Variants in ULK1 observed in about 807,000 individuals in gnomAD.
ULK1 encodes unc-51 like autophagy activating kinase 1.
Under a neutral mutation model 117.5 loss-of-function variants are expected in ULK1, and 48 were observed. The ratio of observed to expected loss-of-function variants is 0.41; its 90% CI spans 0.32 to 0.52. ULK1 has a LOEUF of 0.52. ULK1 is among the 20% of genes least tolerant of loss of function. ULK1 has a pLI of 0.29. For missense variants in ULK1, 1,387 were observed against 1,473.4 expected (o/e 0.94, Z 0.96); for synonymous variants, 790 against 637.8 (o/e 1.24, Z -3.60).
intron 7 of ULK1, 26 bp downstream of exon 7, chr12:131,908,997 C>T (rs1209189721): frequency 6.2e-7 from 1 of 1,612,740 alleles, no homozygotes; most frequent in South Asian, 1.1e-5. Context: ...CCGGGCTGTG[C>T]CGGGTGGGCG....
In ULK1 at chr12:131,910,813, C is replaced by T; in HGVS notation, c.948+13C>T. On this transcript the variant is annotated intron_variant, in intron 12 of 27. Coordinates refer to ENST00000321867, the MANE Select transcript of ULK1 (RefSeq NM_003565.4). ...GGCCTCCCCGCCGGTGAGTTGCCGCCCCAGGGGCTTGGCAGCTTCTCCCTC... is the reference window on the plus strand; with the variant it reads ...GGCCTCCCCGCCGGTGAGTTGCCGCTCCAGGGGCTTGGCAGCTTCTCCCTC... 6.2e-7 allele frequency: 1 copy of T among 1,612,154 alleles called. No homozygotes were observed. Among genetic ancestry groups the T allele is most frequent in the Non-Finnish European group, 8.5e-7 (1 of 1,179,646 alleles).
Position 131,922,274 on chromosome 12 carries a change from G to GA in ULK1, c.*913_*914insA, listed in dbSNP as rs1318297315. ...CAGATGGCACAGGGGCGTGTGGCGGGCGGGTGAGGCTGCTTTGCACACCTG... is the reference window on the plus strand; with the variant it reads ...CAGATGGCACAGGGGCGTGTGGCGGGACGGGTGAGGCTGCTTTGCACACCTG... On this transcript the variant is annotated 3_prime_UTR_variant, in exon 28 of 28. Transcript: ENST00000321867. 7 of 349,218 alleles carry GA rather than the reference G, an allele frequency of 2.0e-5. No homozygotes were observed. The highest frequency in any genetic ancestry group is 1.3e-4 in the African/African-American group (6 of 46,570). The allele number at this position is 349,218 out of a possible 1,614,324, so 21.6% of individuals were successfully genotyped here.
chr12:131,907,398 G>C, intron 4 of ULK1, 97 bp from the exon 5 acceptor site: 1 of 1,497,402 alleles, frequency 6.7e-7, no homozygotes, highest in Non-Finnish European at 9.1e-7. Context: ...CGGGCTCAGG[G>C]AGTAGTGTCC....
rs376464371 is a variant in ULK1 at position 131,920,092 on chromosome 12, A to G, written c.2917A>G (p.Ser973Gly). Residue 973 changes from serine (S) to glycine (G), a missense_variant, in exon 26 of 28, where the codon AGC becomes GGC. Physicochemically the swap from Ser to Gly is moderately conservative, Grantham distance 56 (BLOSUM62 0). Coordinates refer to ENST00000321867, the MANE Select transcript of ULK1 (RefSeq NM_003565.4). ...GCAGCGGCTCCTGGACCGCATTCACAGCATCACTGCCGAGAGGCTCATCTT... is the reference window on the plus strand; with the variant it reads ...GCAGCGGCTCCTGGACCGCATTCACGGCATCACTGCCGAGAGGCTCATCTT... ...DKQRLLDRIHSITAERLIFSH... is the reference protein window; with the variant it reads ...DKQRLLDRIHGITAERLIFSH... 1.9e-6 allele frequency: 3 copies of G among 1,612,710 alleles called. No individual in the cohort carries two copies. The highest frequency in any genetic ancestry group is 1.3e-5 in the African/African-American group (1 of 74,954).
chr12:131,916,258 C>T (rs1387569063), intron 19 of ULK1, 99 bp downstream of exon 19: 5 of 1,528,430 alleles, frequency 3.3e-6, no homozygotes, highest in Non-Finnish European at 4.4e-6. Flanking sequence ...AGCTCTGTAC[C>T]TTTTGACCCC....
intron 13 of ULK1, 149 bp downstream of exon 13, chr12:131,912,238 T>C (rs947350756): frequency 6.2e-5 from 79 of 1,282,890 alleles, no homozygotes; most frequent in African/African-American, 4.6e-4. Flanking sequence ...CCCAGCTTGG[T>C]TGGGGAGGCC....
chr12:131,917,673 T>C, intron 22 of ULK1, 119 bp downstream of exon 22: 1 of 1,069,312 alleles, frequency 9.4e-7, no homozygotes, highest in Non-Finnish European at 1.2e-6. Flanking sequence ...CAGGGGTGCC[T>C]GAGGAAGCAG....
intron 16 of ULK1, among the ~76,000 whole-genome samples, chr12:131,914,815 T>A (rs1889700074): frequency 6.6e-6 from 1 of 152,082 alleles, no homozygotes; most frequent in Non-Finnish European, 1.5e-5. Flanking sequence ...GATGGAGACT[T>A]TAGGGTGAGG....
At chr12:131,910,205 G>T (rs1354128666) in intron 10 of ULK1, 49 bp from the exon 11 acceptor site, 1 of 1,610,232 alleles carries the variant, frequency 6.2e-7, no homozygotes, top group Admixed American at 1.7e-5. Flanking sequence ...AGGGGCCTGG[G>T]GTCAGAGCTG....
At position 131,917,456 on chromosome 12, in the gene ULK1, C is replaced by T. The variant is rs554632816; in HGVS notation, c.2228C>T (p.Ala743Val). ...GGGAGCCTGCACCCAGGAGCCCGTG[C>T]TGGGGGCACCAGCAGCCCTTCCCCG... ...FGGSLHPGAR[A>V]GGTSSPSPVV... Residue 743 changes from alanine (A) to valine (V), a missense_variant, in exon 22 of 28, where the codon GCT (alanine) becomes GTT (valine). Transcript: ENST00000321867. 6.5e-7 allele frequency: 1 copy of T among 1,532,252 alleles called. No individual in the cohort carries two copies. The highest frequency in any genetic ancestry group is 8.8e-7 in the Non-Finnish European group (1 of 1,140,424). 94.9% of individuals were successfully genotyped at this position (1,532,252 alleles called of 1,614,324 possible). A position where few individuals can be genotyped will look rare whatever the true frequency, so the allele number is the denominator to read the frequency against.
rs1405316077 is a variant in ULK1 at position 131,921,587 on chromosome 12, G to C, written c.*226G>C. On this transcript the variant is annotated 3_prime_UTR_variant, in exon 28 of 28. Coordinates refer to ENST00000321867, the MANE Select transcript of ULK1 (RefSeq NM_003565.4). ...GGTGTCTCCCATCTTTTACAGGTGG[G>C]GATCACAGAATTTCTGCCCCTCCAG... The C allele has an allele frequency of 1.5e-6, 1 of 673,622 alleles. No homozygotes were observed. Among genetic ancestry groups the C allele is most frequent in the Non-Finnish European group, 2.5e-6 (1 of 398,838 alleles). The allele number at this position is 673,622 out of a possible 1,614,324, so 41.7% of individuals were successfully genotyped here.
intron 18 of ULK1, 43 bp downstream of exon 18, chr12:131,915,464 C>A (rs748643953): frequency 2.5e-5 from 40 of 1,596,788 alleles, no homozygotes; most frequent in Non-Finnish European, 3.3e-5. Context: ...AGGCTGACCT[C>A]CCTCGCTCAC....
chr12:131,921,070 G>A (rs1890128370), intron 26 of ULK1, 30 bp from the exon 27 acceptor site: 1 of 1,558,212 alleles, frequency 6.4e-7, no homozygotes, highest in African/African-American at 1.4e-5. Flanking sequence ...GGGTGAGCTG[G>A]CCCTGTCCAG....
intron 8 of ULK1, 47 bp from the exon 9 acceptor site, chr12:131,909,728 C>G: frequency 1.3e-6 from 2 of 1,527,320 alleles, no homozygotes; most frequent in Non-Finnish European, 1.8e-6. Context: ...GTGGGCTGGT[C>G]CCGCTCGGCC....
At chr12:131,910,207 T>C (rs776900910) in intron 10 of ULK1, 47 bp from the exon 11 acceptor site, 1 of 1,610,598 alleles carries the variant, frequency 6.2e-7, no homozygotes, top group Admixed American at 1.7e-5. Flanking sequence ...GGGCCTGGGG[T>C]CAGAGCTGGG....
At position 131,903,541 on chromosome 12, in the gene ULK1, G is replaced by A. The variant is rs1318617676; in HGVS notation, c.247-3351G>A. ...CACGGGAAAGGCCCTGGTGTGCCCC[G>A]ATGCCCAGCTCAGGGAGTTGGATGC... is the stretch of plus-strand genomic sequence containing the variant. On this transcript the variant is annotated intron_variant, in intron 3 of 27. Transcript: ENST00000321867. The surrounding 1 kb of genome is among the most constrained non-coding windows in gnomAD (Gnocchi z 6.0). 6.6e-6 allele frequency among the ~76,000 whole-genome samples: 1 copy of A among 152,138 alleles called. No homozygotes were observed. The highest frequency in any genetic ancestry group is 1.5e-5 in the Non-Finnish European group (1 of 68,026).
At chr12:131,913,509 C>G (rs1353174994) in intron 14 of ULK1, among the ~76,000 whole-genome samples, 1 of 152,104 alleles carries the variant, frequency 6.6e-6, no homozygotes, top group Non-Finnish European at 1.5e-5. Context: ...TCCTGGCCAA[C>G]ATGGTGAAAC....
chr12:131,913,173 G>A (rs762239599), intron 13 of ULK1, 25 bp from the exon 14 acceptor site: 3 of 1,555,058 alleles, frequency 1.9e-6, no homozygotes, highest in East Asian at 2.4e-5. Flanking sequence ...AAGGACTCCA[G>A]GCCCAGCCTT....
intron 1 of ULK1, 147 bp from the exon 2 acceptor site, chr12:131,895,454 G>A: frequency 1.5e-6 from 1 of 681,736 alleles, no homozygotes; most frequent in African/African-American, 1.8e-5. Flanking sequence ...GACCCCCAGC[G>A]CGATCCTCAA....
Sources: allele counts gnomAD v4.1 joint callset (sites outside exome capture counted in the v4.1 genomes callset), GRCh38; gene constraint gnomAD v4.1.1; non-coding constraint Gnocchi (gnomAD v3.1); transcripts MANE v1.5; gene names NCBI Gene and HGNC (gene_info 2026-07-23, HGNC 2026-07-21).